The following ZBTB20 variants were observed in gnomAD, a reference collection of about 807,000 sequenced individuals.
ZBTB20 encodes the protein zinc finger and BTB domain containing 20.
ZBTB20 carries 9 observed loss-of-function variants against 56.9 expected under a neutral mutation model. The observed-to-expected ratio is 0.16, with a 90% confidence interval of 0.10 to 0.28. The LOEUF (loss-of-function observed/expected upper bound fraction) is 0.28. ZBTB20 is among the 10% of genes least tolerant of loss of function. The probability of loss-of-function intolerance (pLI) is 1.00; values close to 1 mark genes in which losing one functional copy is unlikely to be tolerated. For synonymous variants in ZBTB20, 417 were observed against 420.7 expected, an observed-to-expected ratio of 0.99 and a Z score of 0.11; for missense variants, 655 against 1,003.0, an observed-to-expected ratio of 0.65 and a Z score of 4.69.
intron 4 of ZBTB20, among the ~76,000 whole-genome samples, chr3:114,808,257 T>C (rs1032068333): frequency 2.0e-5 from 3 of 152,190 alleles, no homozygotes; most frequent in East Asian, 1.9e-4. Context: ...TTGCTAACAA[T>C]TGTCTAATTG....
intron 6 of ZBTB20, among the ~76,000 whole-genome samples, chr3:114,533,699 G>C (rs1033543648): frequency 3.3e-5 from 5 of 152,028 alleles, no homozygotes; most frequent in Non-Finnish European, 7.4e-5. Flanking sequence ...GATTCACCAA[G>C]ATTGAAATGA....
intron 6 of ZBTB20, among the ~76,000 whole-genome samples, chr3:114,530,505 A>G (rs1435872110): frequency 6.6e-6 from 1 of 152,222 alleles, no homozygotes; most frequent in Non-Finnish European, 1.5e-5. Context: ...TTGCCTAATG[A>G]TGCATTTCTC....
At position 114,860,035 on chromosome 3, in the gene ZBTB20, G is replaced by A. The variant is rs144402268; in HGVS notation, c.-417+40269C>T. On this transcript the variant is annotated intron_variant, in intron 4 of 11. Transcript: ENST00000675478. The stretch of plus-strand genomic sequence containing the variant: ...TATAATTCTGAAATTACAGCCGGGC[G>A]CGGTGGCTCACACCTGTAATCCTAG... Among the ~76,000 whole-genome samples the A allele has an allele frequency of 2.1e-3, 322 of 152,200 alleles. 1 individual carries two copies. The highest frequency in any genetic ancestry group is 6.9e-3 in the African/African-American group (288 of 41,510).
At chr3:114,608,506 C>G (rs1433224046) in intron 6 of ZBTB20, among the ~76,000 whole-genome samples, 1 of 152,134 alleles carries the variant, frequency 6.6e-6, no homozygotes, top group Non-Finnish European at 1.5e-5. Flanking sequence ...AAACTTTGTA[C>G]AATAGCTAAA....
chr3:114,756,239 AAC>A (rs2068002685), intron 5 of ZBTB20, among the ~76,000 whole-genome samples: 2 of 152,296 alleles, frequency 1.3e-5, no homozygotes, highest in Admixed American at 1.3e-4. Flanking sequence ...AATAAAAACT[AAC>A]CACCTAAAAT....
chr3:114,944,519 T>A (rs1273432914), intron 3 of ZBTB20, among the ~76,000 whole-genome samples: 1 of 145,678 alleles, frequency 6.9e-6, no homozygotes, highest in Non-Finnish European at 1.5e-5. Flanking sequence ...GTTGAAGAGA[T>A]ATCTGCTCTC....
At chr3:114,824,601 G>C (rs1379867781) in intron 4 of ZBTB20, among the ~76,000 whole-genome samples, 1 of 151,812 alleles carries the variant, frequency 6.6e-6, no homozygotes, top group African/African-American at 2.4e-5. Context: ...ATGTTTGTTT[G>C]AACTTGCTTA....
intron 1 of ZBTB20, 114 bp downstream of exon 1, chr3:115,147,105 A>G (rs1405360034): frequency 5.0e-5 from 1 of 19,874 alleles, no homozygotes; most frequent in African/African-American, 1.8e-4. Context: ...CCTCCTTCCC[A>G]GTCCCGCCGC....
At chr3:114,933,839 C>T (rs1329736294) in intron 3 of ZBTB20, among the ~76,000 whole-genome samples, 1 of 152,176 alleles carries the variant, frequency 6.6e-6, no homozygotes, top group African/African-American at 2.4e-5. Flanking sequence ...CAAAACTTCC[C>T]ACTTTTATTA....
intron 4 of ZBTB20, among the ~76,000 whole-genome samples, chr3:114,815,809 A>C (rs1383361790): frequency 6.6e-6 from 1 of 152,224 alleles, no homozygotes; most frequent in Non-Finnish European, 1.5e-5. Flanking sequence ...GGTTAGAAGT[A>C]GCTTCTAGAT....
intron 2 of ZBTB20, among the ~76,000 whole-genome samples, chr3:115,020,790 A>G (rs895230956): frequency 1.3e-5 from 2 of 151,058 alleles, no homozygotes; most frequent in African/African-American, 4.8e-5. Context: ...TTATGCTTAC[A>G]TTGTAAGTCT....
chr3:115,038,932 T>G (rs1234468908), intron 2 of ZBTB20, among the ~76,000 whole-genome samples: 1 of 152,106 alleles, frequency 6.6e-6, no homozygotes, highest in Non-Finnish European at 1.5e-5. Flanking sequence ...ATTATTATTT[T>G]TTGCATTCTC....
intron 5 of ZBTB20, among the ~76,000 whole-genome samples, chr3:114,770,917 G>A (rs944921024): frequency 6.6e-6 from 1 of 152,096 alleles, no homozygotes; most frequent in African/African-American, 2.4e-5. Context: ...TGCTCATCAT[G>A]TCCATGTTCA....
chr3:114,960,462 T>C (rs756188655), intron 3 of ZBTB20, among the ~76,000 whole-genome samples: 16 of 152,226 alleles, frequency 1.1e-4, no homozygotes, highest in Admixed American at 6.5e-4. Flanking sequence ...ATTAAGAAAC[T>C]GAGCTACAGA....
rs931723557 is a variant in ZBTB20, at chr3:115,138,929, T to G, written c.-703+8290A>C. ...AGAGTTACAGTGATTCTTCAATATG[T>G]ATACTGGGTTTCAGTTAACACTAAA... On this transcript the variant is annotated intron_variant, in intron 1 of 11. Transcript: ENST00000675478. 2.0e-5 allele frequency among the ~76,000 whole-genome samples: 3 copies of G among 152,102 alleles called. No individual in the cohort carries two copies. In the East Asian group the frequency reaches 5.8e-4, roughly 29 times the overall value.
At chr3:114,904,160 T>C (rs2075233313) in intron 3 of ZBTB20, among the ~76,000 whole-genome samples, 1 of 152,190 alleles carries the variant, frequency 6.6e-6, no homozygotes, top group South Asian at 2.1e-4. Flanking sequence ...TTTTTACTTC[T>C]AGGTTGGCAT....
At chr3:114,919,729 A>C (rs920375965) in intron 3 of ZBTB20, among the ~76,000 whole-genome samples, 3 of 152,040 alleles carry the variant, frequency 2.0e-5, no homozygotes, top group Non-Finnish European at 2.9e-5. Flanking sequence ...ACTACAAAAC[A>C]GTCAGTAAAC....
At chr3:114,410,242 C>G (rs1157419881) in intron 7 of ZBTB20, among the ~76,000 whole-genome samples, 1 of 151,778 alleles carries the variant, frequency 6.6e-6, no homozygotes, top group African/African-American at 2.4e-5. Context: ...TGTTTGCTTA[C>G]TGATTCCTTG....
intron 6 of ZBTB20, among the ~76,000 whole-genome samples, chr3:114,531,425 G>T (rs969627559): frequency 6.6e-6 from 1 of 152,154 alleles, no homozygotes; most frequent in African/African-American, 2.4e-5. Flanking sequence ...TTACTACTAT[G>T]AATTTCTTTA....
Sources: gnomAD v4.1 joint callset for allele counts (sites outside exome capture counted in the v4.1 genomes callset) on GRCh38, gnomAD v4.1.1 for gene constraint, MANE v1.5 for transcripts, NCBI Gene and HGNC (gene_info 2026-07-23, HGNC 2026-07-21) for gene names.